The following BDP1 variants were observed in gnomAD, a reference collection of about 807,000 sequenced individuals.
BDP1 encodes BDP1 general transcription factor IIIB subunit.
BDP1 carries 169 observed loss-of-function variants against 266.6 expected under a neutral mutation model. The observed-to-expected ratio is 0.63, with a 90% CI of 0.56 to 0.72. BDP1 has a LOEUF of 0.72. Ranked by LOEUF, BDP1 falls within the 30% of genes least tolerant of loss-of-function variation. BDP1 has a pLI of 0.00. For synonymous variants in BDP1, 1,090 were observed against 1,022.4 expected (o/e 1.07, Z -1.26); for missense variants, 3,015 against 3,053.8 (o/e 0.99, Z 0.30).
chr5:71,486,176 G>A (rs1355091696), intron 8 of BDP1, among the ~76,000 whole-genome samples: 1 of 152,080 alleles, frequency 6.6e-6, no homozygotes, highest in Non-Finnish European at 1.5e-5. Context: ...TCAGTAGTTT[G>A]TTCCTTTTGT....
intron 26 of BDP1, among the ~76,000 whole-genome samples, chr5:71,536,556 G>C (rs1488744808): frequency 5.3e-5 from 8 of 152,152 alleles, no homozygotes; most frequent in Admixed American, 5.2e-4. Flanking sequence ...AACAACATGG[G>C]CCCAGGCGCG....
chr5:71,509,922 C>T lies in BDP1; in HGVS notation c.2830C>T (p.Pro944Ser). The change falls in exon 17 of 39, where the codon CCA becomes TCA. Residue 944 changes from proline to serine, a missense_variant. By Grantham distance (74) the Pro-to-Ser change is moderately conservative. Around this residue, in one of 3 missense-constraint regions of BDP1, gnomAD observed 2,383 missense variants for 2,404.9 expected, o/e 0.99. Transcript: ENST00000358731. ...RREISPQKNG[P>S]EEVKPLGEVE... ...AGAAATATCCCCACAGAAAAATGGC[C>T]CAGAGGAGGTTAAGCCTCTAGGTGA... is the stretch of plus-strand genomic sequence containing the variant. 1.2e-6 allele frequency: 2 copies of T among 1,613,682 alleles called. No homozygotes were observed. The highest frequency in any genetic ancestry group is 1.7e-6 in the Non-Finnish European group (2 of 1,179,960).
intron 16 of BDP1, among the ~76,000 whole-genome samples, chr5:71,508,510 A>C (rs1304610052): frequency 2.7e-5 from 4 of 150,582 alleles, no homozygotes; most frequent in Non-Finnish European, 4.4e-5. Context: ...TCTACCAAAA[A>C]CTCATGGGCT....
intron 22 of BDP1, among the ~76,000 whole-genome samples, chr5:71,521,663 T>C (rs1765503210): frequency 6.6e-6 from 1 of 152,328 alleles, no homozygotes; most frequent in East Asian, 1.9e-4. Flanking sequence ...AACCATTAGA[T>C]AGCTATTCAG....
At chr5:71,544,982 A>G (rs947251699) in intron 31 of BDP1, 57 bp from the exon 32 acceptor site, 43 of 1,561,406 alleles carry the variant, frequency 2.8e-5, no homozygotes, top group Non-Finnish European at 3.8e-5. Context: ...CTAGCTCTAA[A>G]AATAATTCCA....
At chr5:71,521,296 T>C (rs1276208689) in intron 22 of BDP1, among the ~76,000 whole-genome samples, 12 of 150,468 alleles carry the variant, frequency 8.0e-5, no homozygotes, top group Admixed American at 6.6e-4. Flanking sequence ...TATTAGTTTT[T>C]TTTTTTTTTT....
At chr5:71,502,889 A>G in intron 15 of BDP1, 98 bp downstream of exon 15, 1 of 852,030 alleles carries the variant, frequency 1.2e-6, no homozygotes. Flanking sequence ...ATACATACAT[A>G]CATTTATTTA....
chr5:71,507,201 G>T (rs1764634170), intron 16 of BDP1, among the ~76,000 whole-genome samples: 1 of 152,086 alleles, frequency 6.6e-6, no homozygotes, highest in Non-Finnish European at 1.5e-5. Context: ...ATAGTTTTGT[G>T]CTCATTCCAT....
At chr5:71,464,641 G>C (rs1416216024) in intron 4 of BDP1, among the ~76,000 whole-genome samples, 1 of 150,988 alleles carries the variant, frequency 6.6e-6, no homozygotes, top group Non-Finnish European at 1.5e-5. Flanking sequence ...TCCTGGGCTC[G>C]TGATCCTCCT....
In BDP1 at chr5:71,562,324, G is replaced by C; in HGVS notation, c.7547G>C (p.Ser2516Thr). 1 of 1,608,610 alleles carries C rather than the reference G, an allele frequency of 6.2e-7. No individual in the cohort carries two copies. Among genetic ancestry groups the C allele is most frequent in the Middle Eastern group, 1.7e-4 (1 of 5,976 alleles). Residue 2516 changes from serine (S) to threonine (T), a missense_variant, in exon 38 of 39, where the codon AGT (serine) becomes ACT (threonine). Transcript: ENST00000358731. ...GFLSLICSKN[S>T]LESDEPMQVH... ...TTATCTTTAATATGCTCAAAGAATA[G>C]TTTGGAGTCTGATGAACCTATGCAA...
chr5:71,509,441 G>A (rs1340334125), intron 16 of BDP1, 24 bp from the exon 17 acceptor site: 34 of 1,475,524 alleles, frequency 2.3e-5, no homozygotes, highest in East Asian at 9.4e-5. Context: ...AAACTTGATT[G>A]TGTGCCCCCT....
rs1188249659 is a variant in BDP1 at position 71,525,417 on chromosome 5, C to T, written c.5772+1094C>T. Among the ~76,000 whole-genome samples, 770 of 130,896 alleles carry T rather than the reference C, an allele frequency of 5.9e-3. 9 individuals are homozygous for T. Among genetic ancestry groups the T allele is most frequent in the Admixed American group, 0.03 (379 of 12,734 alleles). The allele number at this position is 130,896 out of a possible 152,430, so 85.9% of individuals were successfully genotyped here. A position where few individuals can be genotyped will look rare whatever the true frequency, so the allele number is the denominator to read the frequency against. ...CTGACCCCCCCACCTCCCTCCCGGA[C>T]GGGGCGGCTGGCCGGGCGGGGGGCT... On this transcript the variant is annotated intron_variant, in intron 25 of 38. Transcript: ENST00000358731.
At chr5:71,505,084 G>A (rs1764504761) in intron 16 of BDP1, among the ~76,000 whole-genome samples, 1 of 152,088 alleles carries the variant, frequency 6.6e-6, no homozygotes, top group African/African-American at 2.4e-5. Flanking sequence ...TCAGCTCACT[G>A]CAACCACTGC....
intron 3 of BDP1, among the ~76,000 whole-genome samples, chr5:71,462,177 G>A (rs1761619333): frequency 6.6e-6 from 1 of 151,944 alleles, no homozygotes; most frequent in Admixed American, 6.6e-5. Flanking sequence ...TGGCTTGCCT[G>A]GTTTTAAACT....
At chr5:71,479,114 C>T (rs1762774272) in intron 7 of BDP1, among the ~76,000 whole-genome samples, 1 of 152,028 alleles carries the variant, frequency 6.6e-6, no homozygotes, top group East Asian at 1.9e-4. Flanking sequence ...GCGATCTCGG[C>T]TCACTGCAAG....
rs1765532863 is a variant in BDP1 at position 71,522,284 on chromosome 5, T to C, written c.4992-5T>C. 1 of 1,609,554 alleles carries C rather than the reference T, an allele frequency of 6.2e-7. No individual in the cohort carries two copies. The highest frequency in any genetic ancestry group is 1.3e-5 in the African/African-American group (1 of 74,656). ...TTCTTCAACATGATTCATACTTCAT[T>C]CTAGACATGAAAATAAACCGTATGT... On this transcript the variant is annotated splice_polypyrimidine_tract_variant and splice_region_variant and intron_variant, in intron 22 of 38. Transcript: ENST00000358731.
chr5:71,548,103 C>G (rs1431664142), intron 32 of BDP1, among the ~76,000 whole-genome samples: 1 of 151,892 alleles, frequency 6.6e-6, no homozygotes, highest in Admixed American at 6.6e-5. Flanking sequence ...GGCAACATGG[C>G]AAAACCCCAT....
chr5:71,547,395 G>A (rs1041169923), intron 32 of BDP1, among the ~76,000 whole-genome samples: 5 of 151,914 alleles, frequency 3.3e-5, no homozygotes, highest in Admixed American at 6.6e-5. Flanking sequence ...TTACTATATA[G>A]GTAATAATGT....
At chr5:71,532,564 G>A in intron 26 of BDP1, 137 bp downstream of exon 26, 1 of 773,014 alleles carries the variant, frequency 1.3e-6, no homozygotes, top group Non-Finnish European at 1.9e-6. Flanking sequence ...GTTAGTCTGA[G>A]TAGTAAAAAC....
Sources: gnomAD v4.1 joint callset for allele counts (sites outside exome capture counted in the v4.1 genomes callset) on GRCh38, gnomAD v4.1.1 for gene constraint, gnomAD v4.1.1 regional missense constraint, MANE v1.5 for transcripts, NCBI Gene and HGNC (gene_info 2026-07-23, HGNC 2026-07-21) for gene names.